The following RUNX1 variants were observed in gnomAD, a reference collection of about 807,000 sequenced individuals.
The protein encoded by RUNX1 is runt-related transcription factor 1.
RUNX1 carries 19 observed loss-of-function variants against 42.8 expected under a neutral mutation model. The observed-to-expected ratio is 0.44, with a 90% CI of 0.31 to 0.65. The LOEUF is 0.65. Among genes scored for constraint, RUNX1 ranks in the 30% least tolerant of loss-of-function variants. The pLI is 0.07. For missense variants in RUNX1, 528 were observed against 672.0 expected (o/e 0.79, Z 2.37); for synonymous variants, 271 against 289.4 (o/e 0.94, Z 0.64).
intron 2 of RUNX1, among the ~76,000 whole-genome samples, chr21:35,010,671 A>G (rs2059120059): frequency 6.6e-6 from 1 of 152,102 alleles, no homozygotes; most frequent in Non-Finnish European, 1.5e-5. Flanking sequence ...AAAGTCCTAC[A>G]CAGGAAACTA....
intron 2 of RUNX1, among the ~76,000 whole-genome samples, chr21:35,029,736 G>A (rs1290640876): frequency 3.9e-5 from 6 of 152,090 alleles, no homozygotes; most frequent in Non-Finnish European, 8.8e-5. Context: ...CTTCCGTCTT[G>A]GGCTTCTGGC....
At chr21:35,031,334 A>T (rs889692385) in intron 2 of RUNX1, among the ~76,000 whole-genome samples, 3 of 152,158 alleles carry the variant, frequency 2.0e-5, no homozygotes, top group Non-Finnish European at 4.4e-5. Context: ...GGCAACAAGA[A>T]CGAAACTCCG....
chr21:34,853,727 T>C (rs2057457096), intron 6 of RUNX1, among the ~76,000 whole-genome samples: 1 of 152,158 alleles, frequency 6.6e-6, no homozygotes, highest in Admixed American at 6.5e-5. Flanking sequence ...AACTAGGTGT[T>C]ACTCAATCCT....
chr21:34,961,090 T>A (rs2058678799), intron 2 of RUNX1, among the ~76,000 whole-genome samples: 1 of 152,178 alleles, frequency 6.6e-6, no homozygotes, highest in Non-Finnish European at 1.5e-5. Context: ...ACAAGGACAT[T>A]CATGGCTGGG....
chr21:34,976,695 TCAAA>T (rs2058804380), intron 2 of RUNX1, among the ~76,000 whole-genome samples: 1 of 152,198 alleles, frequency 6.6e-6, no homozygotes, highest in South Asian at 2.1e-4. Flanking sequence ...GATTCAAAAA[TCAAA>T]CAGAGAACCT....
chr21:34,874,935 G>C (rs571481977), intron 5 of RUNX1, among the ~76,000 whole-genome samples: 1 of 152,086 alleles, frequency 6.6e-6, no homozygotes, highest in African/African-American at 2.4e-5. Flanking sequence ...CTTCTGTCCC[G>C]ACCAAAAAGA....
intron 2 of RUNX1, among the ~76,000 whole-genome samples, chr21:34,967,462 G>A (rs917567266): frequency 6.6e-6 from 1 of 150,958 alleles, no homozygotes; most frequent in Non-Finnish European, 1.5e-5. Context: ...CACGGGGGAG[G>A]CTGAACTTCG....
intron 2 of RUNX1, among the ~76,000 whole-genome samples, chr21:34,975,294 T>C (rs930494507): frequency 6.6e-6 from 1 of 152,274 alleles, no homozygotes; most frequent in South Asian, 2.1e-4. Context: ...TCTGCTTCTA[T>C]GGATTTAACC....
intron 2 of RUNX1, among the ~76,000 whole-genome samples, chr21:35,045,225 T>G (rs2059387649): frequency 6.6e-6 from 1 of 152,100 alleles, no homozygotes; most frequent in Non-Finnish European, 1.5e-5. Flanking sequence ...TCAAAATGTG[T>G]GGGCAGTTTC....
At chr21:34,889,300 G>A (rs1047924370) in intron 3 of RUNX1, among the ~76,000 whole-genome samples, 4 of 152,156 alleles carry the variant, frequency 2.6e-5, no homozygotes, top group African/African-American at 9.6e-5. Flanking sequence ...CGGCGAAGCG[G>A]CGCTGATTCC....
At position 34,989,352 on chromosome 21, in the gene RUNX1, G is replaced by A. The variant is rs2058918834; in HGVS notation, c.58+59490C>T. Reference sequence around the variant, plus strand: ...ATCTTTGCCATTCTCTACTCTGCTTGGGGTAGCTTCTTAGTTCGTACTACA... The same window carrying A: ...ATCTTTGCCATTCTCTACTCTGCTTAGGGTAGCTTCTTAGTTCGTACTACA... On this transcript the variant is annotated intron_variant, in intron 2 of 8. Transcript: ENST00000675419. Among the ~76,000 whole-genome samples the A allele has an allele frequency of 2.6e-5, 4 of 151,868 alleles. No individual in the cohort carries two copies. The South Asian group carries it at 8.3e-4, about 32-fold the overall frequency.
rs75775901 is a variant in RUNX1, at chr21:34,976,924, T to C, written c.58+71918A>G. On this transcript the variant is annotated intron_variant, in intron 2 of 8. Transcript: ENST00000675419. ...AGCAGTGTGAGGGTGAGCATCAACA[T>C]AGTATGCCTCTGAAGTCTTGAATTT... 4.0e-3 allele frequency among the ~76,000 whole-genome samples: 613 copies of C among 152,308 alleles called. 5 individuals are homozygous for C. Among genetic ancestry groups the C allele is most frequent in the African/African-American group, 0.013 (529 of 41,574 alleles).
At chr21:34,977,062 C>A (rs2058807571) in intron 2 of RUNX1, among the ~76,000 whole-genome samples, 1 of 152,122 alleles carries the variant, frequency 6.6e-6, no homozygotes. Flanking sequence ...GGAGAAATCT[C>A]TGTATAATTT....
At chr21:35,045,255 A>G (rs1441440949) in intron 2 of RUNX1, among the ~76,000 whole-genome samples, 1 of 151,852 alleles carries the variant, frequency 6.6e-6, no homozygotes, top group Admixed American at 6.6e-5. Flanking sequence ...ACTCCATCTC[A>G]CAAAGGAGGA....
chr21:34,840,759 G>C (rs772628650), intron 6 of RUNX1, among the ~76,000 whole-genome samples: 11 of 152,124 alleles, frequency 7.2e-5, no homozygotes, highest in Admixed American at 7.2e-4. Flanking sequence ...AGCTTTGCAC[G>C]AGGTGTCCTA....
chr21:34,822,059 G>A (rs2056916080), intron 7 of RUNX1, among the ~76,000 whole-genome samples: 1 of 152,320 alleles, frequency 6.6e-6, no homozygotes, highest in African/African-American at 2.4e-5. Flanking sequence ...GAGGGGCTCT[G>A]GGGCAACCCT....
chr21:34,967,570 G>A (rs2058730706), intron 2 of RUNX1, among the ~76,000 whole-genome samples: 1 of 152,068 alleles, frequency 6.6e-6, no homozygotes, highest in Non-Finnish European at 1.5e-5. Flanking sequence ...AGTTGAAAAG[G>A]TCTAATGTAG....
intron 2 of RUNX1, among the ~76,000 whole-genome samples, chr21:34,900,139 A>G (rs2058165911): frequency 1.3e-5 from 2 of 152,272 alleles, no homozygotes; most frequent in Non-Finnish European, 2.9e-5. Flanking sequence ...TATTTAACCC[A>G]ATCTATTGAA....
chr21:34,813,782 A>T (rs2056789030), intron 7 of RUNX1, among the ~76,000 whole-genome samples: 1 of 152,028 alleles, frequency 6.6e-6, no homozygotes, highest in Non-Finnish European at 1.5e-5. Flanking sequence ...TTAAGGTTTC[A>T]TTCTAATGTC....
Sources: allele counts gnomAD v4.1 joint callset (sites outside exome capture counted in the v4.1 genomes callset), GRCh38; gene constraint gnomAD v4.1.1; transcripts MANE v1.5; gene names NCBI Gene and HGNC (gene_info 2026-07-23, HGNC 2026-07-21).